The following COL5A2 variants were observed in gnomAD, a reference collection of about 807,000 sequenced individuals.
The protein encoded by COL5A2 is collagen alpha-2(V) chain.
In COL5A2, 23 loss-of-function variants were observed where a neutral mutation model predicts 208.2. That is an observed-to-expected ratio of 0.11 (90% CI 0.08 to 0.16). COL5A2 has a LOEUF of 0.16. Ranked by LOEUF, COL5A2 falls within the 10% of genes least tolerant of loss-of-function variation. The pLI, the probability that COL5A2 is intolerant of heterozygous loss-of-function variation, is 1.00. For missense variants in COL5A2, 1,590 were observed against 1,956.4 expected, an observed-to-expected ratio of 0.81 and a Z score of 3.53; for synonymous variants, 625 against 628.5, an observed-to-expected ratio of 0.99 and a Z score of 0.08.
chr2:189,043,237 C>T lies in COL5A2; in HGVS notation c.3385G>A (p.Asp1129Asn), dbSNP rs199802059. Residue 1129 changes from aspartate (D) to asparagine (N), a missense_variant, in exon 48 of 54, where the codon GAC becomes AAC. Asp to Asn is a conservative substitution (Grantham distance 23). Transcript: ENST00000374866. ...CCTCGGTCTCCATGATCACCTTTGTCACCACGAGGTCCTTGGGGTCCCTAG... is the reference window on the plus strand; with the variant it reads ...CCTCGGTCTCCATGATCACCTTTGTTACCACGAGGTCCTTGGGGTCCCTAG... ...GLPGPQGPRG[D>N]KGDHGDRGDR... The T allele has an allele frequency of 1.0e-4, 168 of 1,613,528 alleles. No homozygotes were observed. The highest frequency in any genetic ancestry group is 3.3e-4 in the Middle Eastern group (2 of 6,070).
intron 1 of COL5A2, among the ~76,000 whole-genome samples, chr2:189,152,898 G>A (rs2105789627): frequency 6.6e-6 from 1 of 152,180 alleles, no homozygotes; most frequent in South Asian, 2.1e-4. Flanking sequence ...GGTTGGTTTG[G>A]GATGGCAGTT....
chr2:189,246,319 C>G, the COL5A2 span, among the ~76,000 whole-genome samples: 5 of 151,644 alleles, frequency 3.3e-5, no homozygotes, highest in Non-Finnish European at 2.9e-5. Flanking sequence ...TAGATCAAAG[C>G]GTGGCCAAAG....
At chr2:189,355,617 G>C in the COL5A2 span, among the ~76,000 whole-genome samples, 129,899 of 152,106 alleles carry the variant, frequency 0.85, 56,631 homozygotes, top group Non-Finnish European at 0.95. Flanking sequence ...CCTTTTCTTG[G>C]TTTCCATTTG....
At position 189,211,473 on chromosome 2, in the gene COL5A2, T is replaced by C. The variant is rs1335069856; in HGVS notation, c.-42+13675A>G. ...CTGTTAAAAATCATTATCATTATTA[T>C]AGAAAGTGTAGACCAAGAGTTAAAG... On this transcript the variant is annotated intron_variant, in intron 1 of 10. Transcript: ENST00000649966. 3.9e-5 allele frequency among the ~76,000 whole-genome samples: 6 copies of C among 152,182 alleles called. No homozygotes were observed. In the East Asian group the frequency reaches 1.2e-3, roughly 29 times the overall value.
At chr2:189,266,111 G>A in the COL5A2 span, among the ~76,000 whole-genome samples, 2 of 152,030 alleles carry the variant, frequency 1.3e-5, no homozygotes, top group African/African-American at 2.4e-5. Flanking sequence ...TCCATGCAAG[G>A]GAATATTATT....
At chr2:189,319,634 G>C in the COL5A2 span, among the ~76,000 whole-genome samples, 1 of 152,262 alleles carries the variant, frequency 6.6e-6, no homozygotes, top group Admixed American at 6.5e-5. Flanking sequence ...GCCCGCCATT[G>C]CTGAGGCTTG....
intron 17 of COL5A2, among the ~76,000 whole-genome samples, chr2:189,072,353 A>G (rs972041043): frequency 2.0e-5 from 3 of 152,218 alleles, no homozygotes; most frequent in Admixed American, 6.5e-5. Context: ...TCACAAACAT[A>G]AAGTGTTTCA....
At chr2:189,287,251 C>T in the COL5A2 span, among the ~76,000 whole-genome samples, 4 of 151,722 alleles carry the variant, frequency 2.6e-5, no homozygotes, top group Non-Finnish European at 5.9e-5. Context: ...GGCACATAAT[C>T]AATGGTAGTT....
At chr2:189,366,599 C>T in the COL5A2 span, among the ~76,000 whole-genome samples, 1 of 152,224 alleles carries the variant, frequency 6.6e-6, no homozygotes, top group Admixed American at 6.5e-5. Flanking sequence ...GCATAGATCC[C>T]CGCAGGTGCG....
intron 51 of COL5A2, among the ~76,000 whole-genome samples, chr2:189,038,976 A>G (rs1035162660): frequency 1.3e-5 from 2 of 151,958 alleles, no homozygotes; most frequent in Admixed American, 1.3e-4. Flanking sequence ...GGCGTGAGAC[A>G]CCGCACCTGG....
At chr2:189,193,795 C>A (rs1430848591) in intron 1 of COL5A2, among the ~76,000 whole-genome samples, 5 of 152,144 alleles carry the variant, frequency 3.3e-5, no homozygotes, top group African/African-American at 1.2e-4. Context: ...TGAGATTCTT[C>A]CTTTTCCAGC....
chr2:189,092,341 G>A lies in COL5A2; in HGVS notation c.536C>T (p.Pro179Leu), dbSNP rs766179958. ...QPGAPGPPGHPSHPGPDGLSR... is the reference protein window; with the variant it reads ...QPGAPGPPGHLSHPGPDGLSR... ...CAAGCCATCGGGTCCTGGGTGGGACGGATGTCCAGGAGGTCCTGGAGCACC... is the reference window on the plus strand; with the variant it reads ...CAAGCCATCGGGTCCTGGGTGGGACAGATGTCCAGGAGGTCCTGGAGCACC... Residue 179 changes from proline to leucine, a missense_variant, in exon 7 of 54, where the codon CCG becomes CTG. By Grantham distance (98) the Pro-to-Leu change is moderately conservative. Transcript: ENST00000374866. The A allele has an allele frequency of 1.2e-5, 20 of 1,609,372 alleles. 1 individual carries two copies. The highest frequency in any genetic ancestry group is 1.0e-4 in the South Asian group (9 of 89,838).
intron 2 of COL5A2, among the ~76,000 whole-genome samples, chr2:189,108,251 C>A (rs1309878865): frequency 6.6e-6 from 1 of 151,730 alleles, no homozygotes; most frequent in African/African-American, 2.4e-5. Flanking sequence ...TTGACAGTTT[C>A]TTCAATTAAC....
the COL5A2 span, among the ~76,000 whole-genome samples, chr2:189,432,954 A>G: frequency 5.3e-5 from 8 of 152,230 alleles, no homozygotes; most frequent in Non-Finnish European, 8.8e-5. Context: ...CACCAAATGT[A>G]AAAGAACAGA....
the COL5A2 span, among the ~76,000 whole-genome samples, chr2:189,328,908 G>A: frequency 6.6e-6 from 1 of 152,162 alleles, no homozygotes; most frequent in African/African-American, 2.4e-5. Context: ...AAATGTGATG[G>A]TTGAATCTCA....
chr2:189,242,649 T>C, the COL5A2 span, among the ~76,000 whole-genome samples: 1 of 152,212 alleles, frequency 6.6e-6, no homozygotes, highest in African/African-American at 2.4e-5. Context: ...AGAAAGACCA[T>C]GATATACTGT....
At chr2:189,187,265 T>A (rs982272405) in intron 1 of COL5A2, among the ~76,000 whole-genome samples, 1 of 152,238 alleles carries the variant, frequency 6.6e-6, no homozygotes, top group Non-Finnish European at 1.5e-5. Context: ...TCACACAATA[T>A]AATGAATGGC....
chr2:189,382,605 A>T, the COL5A2 span, among the ~76,000 whole-genome samples: 1 of 152,194 alleles, frequency 6.6e-6, no homozygotes, highest in Non-Finnish European at 1.5e-5. Flanking sequence ...ACGCACGTCC[A>T]TATAAGAGAC....
chr2:189,180,842 A>G (rs903708798), upstream of COL5A2, among the ~76,000 whole-genome samples: 7 of 152,206 alleles, frequency 4.6e-5, no homozygotes, highest in Admixed American at 1.3e-4. Context: ...CAAGATCTTA[A>G]TGACCTCAGA....
Sources: allele counts gnomAD v4.1 joint callset (sites outside exome capture counted in the v4.1 genomes callset), GRCh38; gene constraint gnomAD v4.1.1; transcripts MANE v1.5; gene names NCBI Gene and HGNC (gene_info 2026-07-23, HGNC 2026-07-21).